DPP6: variants seen among roughly 807,000 people sequenced by gnomAD.
DPP6 encodes the protein A-type potassium channel modulatory protein DPP6.
A neutral mutation model predicts 122.6 loss-of-function variants in DPP6; 69 were observed. The observed-to-expected ratio is 0.56, with a 90% CI of 0.46 to 0.69. The LOEUF (loss-of-function observed/expected upper bound fraction) is 0.69. Among genes scored for constraint, DPP6 ranks in the 30% least tolerant of loss-of-function variants. The pLI is 0.00. For missense variants in DPP6, 928 were observed against 1,116.9 expected (o/e 0.83, Z 2.41); for synonymous variants, 418 against 433.1 (o/e 0.97, Z 0.43).
intron 3 of DPP6, among the ~76,000 whole-genome samples, chr7:154,498,789 C>T (rs1241315180): frequency 6.6e-6 from 1 of 152,188 alleles, no homozygotes; most frequent in Non-Finnish European, 1.5e-5. Context: ...GGATACATGC[C>T]TGCCCTCTAC....
At chr7:154,079,541 T>C (rs1803837509) in intron 1 of DPP6, among the ~76,000 whole-genome samples, 1 of 151,984 alleles carries the variant, frequency 6.6e-6, no homozygotes, top group South Asian at 2.1e-4. Flanking sequence ...CTAGAGTGAG[T>C]GATTCTGGGG....
intron 1 of DPP6, among the ~76,000 whole-genome samples, chr7:153,948,788 A>G (rs1258102780): frequency 6.8e-6 from 1 of 146,898 alleles, no homozygotes; most frequent in Non-Finnish European, 1.5e-5. Context: ...GAGGAACTTT[A>G]TTTCCTTCAA....
chr7:154,183,801 C>G (rs1437966378), intron 1 of DPP6, among the ~76,000 whole-genome samples: 1 of 152,218 alleles, frequency 6.6e-6, no homozygotes, highest in African/African-American at 2.4e-5. Flanking sequence ...AGCCAGGACT[C>G]CAAAACCATG....
intron 9 of DPP6, among the ~76,000 whole-genome samples, chr7:154,771,737 T>C (rs776930918): frequency 6.6e-6 from 1 of 152,234 alleles, no homozygotes; most frequent in African/African-American, 2.4e-5. Flanking sequence ...ATCTGGATGT[T>C]AACATGGCAT....
intron 3 of DPP6, among the ~76,000 whole-genome samples, chr7:154,495,931 T>C (rs779456696): frequency 2.0e-5 from 3 of 152,190 alleles, no homozygotes; most frequent in Non-Finnish European, 2.9e-5. Context: ...CTGTCAGAGC[T>C]GAGTGCTGTG....
intron 7 of DPP6, among the ~76,000 whole-genome samples, chr7:154,726,470 C>G (rs998354358): frequency 7.9e-5 from 12 of 152,330 alleles, no homozygotes; most frequent in African/African-American, 2.9e-4. Flanking sequence ...ACAGCCTGAG[C>G]TGTACCTTGG....
chr7:153,900,587 G>A (rs1799603441), intron 1 of DPP6, among the ~76,000 whole-genome samples: 1 of 152,248 alleles, frequency 6.6e-6, no homozygotes, highest in East Asian at 1.9e-4. Flanking sequence ...GTTACCCAGG[G>A]AATGAGTAAC....
intron 1 of DPP6, among the ~76,000 whole-genome samples, chr7:153,996,783 A>T (rs981990706): frequency 1.3e-5 from 2 of 152,244 alleles, no homozygotes; most frequent in African/African-American, 4.8e-5. Context: ...TTCAATGTCA[A>T]GAACAATTAA....
chr7:154,072,102 C>T (rs77762239), intron 1 of DPP6, among the ~76,000 whole-genome samples: 5 of 130,422 alleles, frequency 3.8e-5, no homozygotes, highest in Admixed American at 2.3e-4. Context: ...AAGTGCAGTG[C>T]GGCTTGGGGA....
At chr7:153,926,463 G>A (rs931799933) in intron 1 of DPP6, among the ~76,000 whole-genome samples, 6 of 152,168 alleles carry the variant, frequency 3.9e-5, no homozygotes, top group African/African-American at 1.4e-4. Context: ...TCTCCCAAGG[G>A]CCTGGACTTT....
At chr7:154,378,010 G>T (rs1450239761) in intron 1 of DPP6, among the ~76,000 whole-genome samples, 1 of 152,136 alleles carries the variant, frequency 6.6e-6, no homozygotes, top group Admixed American at 6.5e-5. Flanking sequence ...GTCTCTTCTG[G>T]ACATAATAGA....
Position 154,052,970 on chromosome 7 carries a change from G to A in DPP6, c.150G>A (p.Ala50=). Residue 50 remains alanine, a synonymous_variant, in exon 1 of 26, where the codon GCG becomes GCA. Transcript: ENST00000377770. The surrounding 1 kb of genome is among the most constrained non-coding windows in gnomAD (Gnocchi z 4.8). ...GAKPLGPRAQ[A]AAPRERGGGG... ...AGCCCCTCGGCCCGCGGGCGCAGGC[G>A]GCGGCGCCCCGGGAGCGCGGCGGCG... 4 of 1,107,368 alleles carry A rather than the reference G, an allele frequency of 3.6e-6. No homozygotes were observed. The highest frequency in any genetic ancestry group is 5.1e-5 in the Admixed American group (1 of 19,610). 68.6% of individuals were successfully genotyped at this position (1,107,368 alleles called of 1,614,324 possible).
chr7:154,751,614 A>C (rs934776314), intron 8 of DPP6, among the ~76,000 whole-genome samples: 1 of 151,384 alleles, frequency 6.6e-6, no homozygotes, highest in African/African-American at 2.4e-5. Flanking sequence ...TGTCTCAAAA[A>C]AAAAAAAAAA....
chr7:153,854,969 T>G, the DPP6 span, among the ~76,000 whole-genome samples: 3 of 146,032 alleles, frequency 2.1e-5, no homozygotes, highest in Non-Finnish European at 3.0e-5. Context: ...ATCATCATTC[T>G]CAGTAAACTA....
At position 154,440,467 on chromosome 7, in the gene DPP6, T is replaced by A. The variant is rs532786223; in HGVS notation, c.244-5747T>A. 3.9e-4 allele frequency among the ~76,000 whole-genome samples: 59 copies of A among 152,322 alleles called. No individual in the cohort carries two copies. In the South Asian group the frequency reaches 9.5e-3, roughly 25 times the overall value. Reference sequence around the variant, plus strand: ...GTACATGCAATGCTTTATTGGACGATGAGTTAGGGTCCTCTTGCTCCAACA... The same window carrying A: ...GTACATGCAATGCTTTATTGGACGAAGAGTTAGGGTCCTCTTGCTCCAACA... On this transcript the variant is annotated intron_variant, in intron 1 of 25. Transcript: ENST00000377770.
intron 4 of DPP6, among the ~76,000 whole-genome samples, chr7:154,559,216 C>T (rs113258973): frequency 0.029 from 3,858 of 134,440 alleles, 67 homozygotes; most frequent in African/African-American, 0.045. Context: ...ATAAAATTTC[C>T]AGAGATTAAA....
At chr7:153,869,038 C>A in the DPP6 span, among the ~76,000 whole-genome samples, 3 of 152,118 alleles carry the variant, frequency 2.0e-5, no homozygotes, top group African/African-American at 7.2e-5. Flanking sequence ...AATTTCTGTT[C>A]TTTTACATTT....
At chr7:154,014,829 G>A (rs1798327286) in intron 1 of DPP6, among the ~76,000 whole-genome samples, 1 of 151,858 alleles carries the variant, frequency 6.6e-6, no homozygotes, top group Non-Finnish European at 1.5e-5. Flanking sequence ...AGCAATCCTG[G>A]TTCTAAAGAA....
intron 5 of DPP6, among the ~76,000 whole-genome samples, chr7:154,599,078 C>T (rs1351163679): frequency 6.6e-6 from 1 of 152,136 alleles, no homozygotes; most frequent in Admixed American, 6.5e-5. Flanking sequence ...AAGGGCGATA[C>T]ATTTTGGGAA....
Sources: gnomAD v4.1 joint callset for allele counts (sites outside exome capture counted in the v4.1 genomes callset) on GRCh38, gnomAD v4.1.1 for gene constraint, Gnocchi (gnomAD v3.1) non-coding constraint, MANE v1.5 for transcripts, NCBI Gene and HGNC (gene_info 2026-07-23, HGNC 2026-07-21) for gene names.